LAMB3: variants seen among roughly 807,000 people sequenced by gnomAD.
LAMB3 encodes laminin subunit beta-3.
Under a neutral mutation model 140.3 loss-of-function variants are expected in LAMB3, and 104 were observed. That is an observed-to-expected ratio of 0.74 (90% CI 0.63 to 0.87). LAMB3 has a LOEUF of 0.87. Among genes scored for constraint, LAMB3 ranks in the 40% least tolerant of loss-of-function variants. LAMB3 has a pLI of 0.00. For missense variants in LAMB3, 1,531 were observed against 1,575.2 expected (o/e 0.97, Z 0.47); for synonymous variants, 592 against 602.9 (o/e 0.98, Z 0.26).
At chr1:209,637,065 C>T (rs566603969) in intron 5 of LAMB3, among the ~76,000 whole-genome samples, 1 of 152,304 alleles carries the variant, frequency 6.6e-6, no homozygotes, top group African/African-American at 2.4e-5. Flanking sequence ...GACTATTTAA[C>T]ACTGTCTATC....
In LAMB3 at chr1:209,617,982, C is replaced by T. The variant is rs1553275442; in HGVS notation, c.2976G>A (p.Val992=). ...TGGTGTCCTGAGCTTCCTGCAGTGC[C>T]ACTGTCCCCTGCCGCAGGTTCCCAA... is the stretch of plus-strand genomic sequence containing the variant. ...DVVGNLRQGT[V]ALQEAQDTMQ... is the part of the protein sequence containing the mutation. Residue 992 remains valine (V), a synonymous_variant, in exon 20 of 23, where the codon GTG becomes GTA. Transcript: ENST00000356082. 3 of 1,614,176 alleles carry T rather than the reference C, an allele frequency of 1.9e-6. No homozygotes were observed. Among genetic ancestry groups the T allele is most frequent in the Non-Finnish European group, 2.5e-6 (3 of 1,180,034 alleles).
In LAMB3 at chr1:209,629,933, A is replaced by G. The variant is rs747913853; in HGVS notation, c.944-8T>C. 6.2e-7 allele frequency: 1 copy of G among 1,613,532 alleles called. No homozygotes were observed. Among genetic ancestry groups the G allele is most frequent in the Non-Finnish European group, 8.5e-7 (1 of 1,179,798 alleles). On this transcript the variant is annotated splice_polypyrimidine_tract_variant and splice_region_variant and intron_variant, in intron 9 of 22. Coordinates refer to ENST00000356082, the MANE Select transcript of LAMB3 (RefSeq NM_000228.3). ...GCCCATTGCAGTCGCACCCTGGAAAAAGAGAGTCCCAGGGCTGACATCTGA... is the reference window on the plus strand; with the variant it reads ...GCCCATTGCAGTCGCACCCTGGAAAGAGAGAGTCCCAGGGCTGACATCTGA...
At chr1:209,645,345 C>T (rs1324680043) in intron 3 of LAMB3, among the ~76,000 whole-genome samples, 1 of 152,130 alleles carries the variant, frequency 6.6e-6, no homozygotes, top group Non-Finnish European at 1.5e-5. Flanking sequence ...CTCAGTAATG[C>T]TTCATCCAAA....
intron 3 of LAMB3, among the ~76,000 whole-genome samples, chr1:209,645,212 G>A (rs894495264): frequency 5.9e-5 from 9 of 152,056 alleles, no homozygotes; most frequent in African/African-American, 1.7e-4. Context: ...TTTGGGTCTC[G>A]TGGGTCCCTT....
intron 3 of LAMB3, among the ~76,000 whole-genome samples, chr1:209,643,814 A>G (rs113181764): frequency 1.3e-4 from 20 of 152,296 alleles, no homozygotes; most frequent in African/African-American, 4.6e-4. Context: ...AAGCAAAAAA[A>G]AAAAAAAAAT....
chr1:209,625,844 C>T lies in LAMB3; in HGVS notation c.1780G>A (p.Glu594Lys). Reference protein sequence around the residue: ...CFQTYDADLREQALRFGRLRN... With the variant: ...CFQTYDADLRKQALRFGRLRN... ...AGTCTACCAAAGCGCAGGGCCTGCT[C>T]CCGGAGGTCCGCATCATAGGTCTGG... The change falls in exon 14 of 23, where the codon GAG becomes AAG. Residue 594 changes from glutamate to lysine, a missense_variant. Glu to Lys is a moderately conservative substitution (Grantham distance 56, BLOSUM62 1). Transcript: ENST00000356082. The T allele has an allele frequency of 6.2e-7, 1 of 1,614,100 alleles. No individual in the cohort carries two copies. Among genetic ancestry groups the T allele is most frequent in the Non-Finnish European group, 8.5e-7 (1 of 1,180,010 alleles).
At position 209,638,538 on chromosome 1, in the gene LAMB3, C is replaced by T. The variant is rs1277831209; in HGVS notation, c.294G>A (p.Gln98=). The change falls in exon 4 of 23, where the codon CAG becomes CAA. Residue 98 remains glutamine, a synonymous_variant. Transcript: ENST00000356082. ...CCGTAGATGGCAAATGCTCACCATT[C>T]TGTGACTGCCACCAGCGCATGGGGC... The part of the protein sequence containing the change: ...SSGPMRWWQS[Q]NDVNPVSLQL... 1 of 1,602,194 alleles carries T rather than the reference C, an allele frequency of 6.2e-7. No homozygotes were observed. Among genetic ancestry groups the T allele is most frequent in the East Asian group, 2.2e-5 (1 of 44,860 alleles).
chr1:209,619,687 G>T (rs1666118462), intron 18 of LAMB3, among the ~76,000 whole-genome samples: 1 of 152,214 alleles, frequency 6.6e-6, no homozygotes, highest in African/African-American at 2.4e-5. Context: ...CACTGGTATT[G>T]AGGTATTAAG....
intron 21 of LAMB3, 82 bp from the exon 22 acceptor site, chr1:209,616,706 C>T (rs1216472608): frequency 1.5e-6 from 2 of 1,351,444 alleles, no homozygotes; most frequent in Admixed American, 1.9e-5. Context: ...TGATATCACC[C>T]AAATCAATAC....
At chr1:209,617,324 G>C in intron 21 of LAMB3, 86 bp downstream of exon 21, 1 of 1,397,308 alleles carries the variant, frequency 7.2e-7, no homozygotes, top group Non-Finnish European at 1.0e-6. Context: ...TTGAGTTTGT[G>C]GTCTTATAAA....
At chr1:209,643,450 G>C (rs536294768) in intron 3 of LAMB3, among the ~76,000 whole-genome samples, 2 of 152,246 alleles carry the variant, frequency 1.3e-5, no homozygotes, top group South Asian at 4.1e-4. Flanking sequence ...CAGCCAGTTT[G>C]GCTCCTACTT....
chr1:209,635,958 T>C (rs1329233018), intron 5 of LAMB3, among the ~76,000 whole-genome samples: 1 of 152,180 alleles, frequency 6.6e-6, no homozygotes, highest in Non-Finnish European at 1.5e-5. Flanking sequence ...GTCCAGTCTT[T>C]CTTGGAATGC....
intron 18 of LAMB3, among the ~76,000 whole-genome samples, chr1:209,622,007 G>A (rs1666212688): frequency 6.6e-6 from 1 of 152,190 alleles, no homozygotes; most frequent in Admixed American, 6.5e-5. Context: ...CAGATCGGAT[G>A]GTCAGGAAAC....
intron 2 of LAMB3, among the ~76,000 whole-genome samples, chr1:209,650,672 C>G (rs910809423): frequency 2.0e-5 from 3 of 152,242 alleles, no homozygotes; most frequent in Non-Finnish European, 2.9e-5. Flanking sequence ...CAGGAAACCA[C>G]AAACCACCCT....
intron 4 of LAMB3, 118 bp from the exon 5 acceptor site, chr1:209,638,099 A>G: frequency 1.2e-6 from 1 of 820,714 alleles, no homozygotes. Flanking sequence ...TTGATTTTCC[A>G]AACTCCCTCT....
chr1:209,637,351 C>G (rs931821378), intron 5 of LAMB3, among the ~76,000 whole-genome samples: 2 of 152,070 alleles, frequency 1.3e-5, no homozygotes, highest in Non-Finnish European at 2.9e-5. Context: ...AAAACCAAAT[C>G]ATCTCTGAAA....
chr1:209,628,193 G>T lies in LAMB3; in HGVS notation c.1133-3C>A. On this transcript the variant is annotated splice_region_variant and splice_polypyrimidine_tract_variant and intron_variant, in intron 10 of 22. Transcript: ENST00000356082. ...CCCATCCGGATCACACTCGCAGGCT[G>T]AGAGACAACAGCAGCCACCGCAGTA... 1 of 1,555,852 alleles carries T rather than the reference G, an allele frequency of 6.4e-7. No individual in the cohort carries two copies. Among genetic ancestry groups the T allele is most frequent in the Non-Finnish European group, 8.7e-7 (1 of 1,149,232 alleles).
chr1:209,617,563 T>C lies in LAMB3; in HGVS notation c.3075A>G (p.Ala1025=). ...TGGTCATGCTTGTCACCAGCTTTTCTGCTGGCCGCAGTACCTGCTGAACCT... is the reference window on the plus strand; with the variant it reads ...TGGTCATGCTTGTCACCAGCTTTTCCGCTGGCCGCAGTACCTGCTGAACCT... ...VAEVQQVLRP[A]EKLVTSMTKQ... The change falls in exon 21 of 23, where the codon GCA becomes GCG. Residue 1025 remains alanine, a synonymous_variant. Transcript: ENST00000356082. The C allele has an allele frequency of 6.2e-7, 1 of 1,614,110 alleles. No individual in the cohort carries two copies. The highest frequency in any genetic ancestry group is 8.5e-7 in the Non-Finnish European group (1 of 1,180,020).
intron 9 of LAMB3, 64 bp downstream of exon 9, chr1:209,630,551 A>G (rs2102430206): frequency 1.3e-6 from 2 of 1,587,588 alleles, no homozygotes; most frequent in Non-Finnish European, 8.6e-7. Context: ...TGAGATCATC[A>G]AGGCCTAGAG....
Sources: gnomAD v4.1 joint callset for allele counts (sites outside exome capture counted in the v4.1 genomes callset) on GRCh38, gnomAD v4.1.1 for gene constraint, MANE v1.5 for transcripts, NCBI Gene and HGNC (gene_info 2026-07-23, HGNC 2026-07-21) for gene names.